VAT1L: variants seen among roughly 807,000 people sequenced by gnomAD.
VAT1L encodes putative NADPH-dependent quinone oxidoreductase VAT1L.
In VAT1L, 34 loss-of-function variants were observed where a neutral mutation model predicts 44.1. The observed-to-expected ratio is 0.77, with a 90% CI of 0.59 to 1.03. The LOEUF is 1.03. VAT1L is among the 50% of genes least tolerant of loss of function. The pLI is 0.00. For missense variants in VAT1L, 615 were observed against 538.8 expected (o/e 1.14, Z -1.40); for synonymous variants, 253 against 202.2 (o/e 1.25, Z -2.13).
At chr16:77,836,514 T>C (rs7195193) in intron 3 of VAT1L, among the ~76,000 whole-genome samples, 286 of 152,348 alleles carry the variant, frequency 1.9e-3, no homozygotes, top group African/African-American at 6.4e-3. Flanking sequence ...TAAGACCCTC[T>C]TTCCCTAACT....
At chr16:77,852,168 C>A (rs1329152459) in intron 3 of VAT1L, among the ~76,000 whole-genome samples, 1 of 152,198 alleles carries the variant, frequency 6.6e-6, no homozygotes, top group African/African-American at 2.4e-5. Context: ...TGGCTTGACC[C>A]TCAAACATAC....
chr16:77,866,102 G>A lies in VAT1L; in HGVS notation c.722+3212G>A, dbSNP rs975672454. ...AGAATGCCCAGGAAGTTACAGATAC[G>A]TTTACACAACCCTCCGTCCTAGCAA... is the stretch of plus-strand genomic sequence containing the variant. On this transcript the variant is annotated intron_variant, in intron 4 of 8. Transcript: ENST00000302536. 2.6e-5 allele frequency among the ~76,000 whole-genome samples: 4 copies of A among 152,156 alleles called. No homozygotes were observed. The East Asian group carries it at 7.7e-4, about 29-fold the overall frequency.
At chr16:77,796,862 G>A (rs1048626977) in intron 1 of VAT1L, among the ~76,000 whole-genome samples, 1 of 152,142 alleles carries the variant, frequency 6.6e-6, no homozygotes, top group Admixed American at 6.5e-5. Context: ...GTAATCCAAA[G>A]GGAAATAACT....
intron 7 of VAT1L, among the ~76,000 whole-genome samples, chr16:77,949,907 A>C (rs2018020068): frequency 1.3e-5 from 2 of 152,168 alleles, no homozygotes; most frequent in Non-Finnish European, 2.9e-5. Context: ...CTTCCTAGAC[A>C]GTTGGTTGTC....
At chr16:77,865,470 G>A (rs1169074587) in intron 4 of VAT1L, among the ~76,000 whole-genome samples, 1 of 152,176 alleles carries the variant, frequency 6.6e-6, no homozygotes, top group Non-Finnish European at 1.5e-5. Flanking sequence ...CAGAGATCCA[G>A]CAATGCCATC....
intron 7 of VAT1L, among the ~76,000 whole-genome samples, chr16:77,962,256 G>A (rs1404301476): frequency 6.6e-6 from 1 of 152,114 alleles, no homozygotes; most frequent in African/African-American, 2.4e-5. Context: ...CATGTAGTGG[G>A]AAAAAGTCCT....
At position 77,952,455 on chromosome 16, in the gene VAT1L, C is replaced by A. The variant is rs993028892; in HGVS notation, c.1078-19395C>A. Among the ~76,000 whole-genome samples the A allele has an allele frequency of 7.1e-4, 108 of 152,036 alleles. 2 individuals are homozygous for A. The highest frequency in any genetic ancestry group is 2.0e-4 in the Admixed American group (3 of 15,246). ...TTGTGGGGCCCCTCCTCCCTGTGAC[C>A]CCCCACCACCACCCCTCGCCTGCAT... On this transcript the variant is annotated intron_variant, in intron 7 of 8. Coordinates refer to ENST00000302536, the MANE Select transcript of VAT1L (RefSeq NM_020927.3).
At chr16:77,878,875 C>G (rs138051223) in intron 5 of VAT1L, among the ~76,000 whole-genome samples, 18 of 152,150 alleles carry the variant, frequency 1.2e-4, no homozygotes, top group Non-Finnish European at 2.4e-4. Context: ...ATTTCAGCAA[C>G]TCATCATTTT....
chr16:77,932,950 A>G (rs1174191386), intron 7 of VAT1L, among the ~76,000 whole-genome samples: 1 of 152,226 alleles, frequency 6.6e-6, no homozygotes, highest in Non-Finnish European at 1.5e-5. Context: ...TATGATTCCA[A>G]GCACTTGGGG....
intron 3 of VAT1L, among the ~76,000 whole-genome samples, chr16:77,842,341 C>A (rs1474037230): frequency 6.6e-6 from 1 of 152,174 alleles, no homozygotes; most frequent in Non-Finnish European, 1.5e-5. Flanking sequence ...GTACAAGGCC[C>A]TGCAGAGACG....
chr16:77,885,727 TAAA>T (rs1774396195), intron 7 of VAT1L, among the ~76,000 whole-genome samples: 1 of 152,110 alleles, frequency 6.6e-6, no homozygotes, highest in Non-Finnish European at 1.5e-5. Context: ...AAATACTTTT[TAAA>T]AAAATAACAA....
At chr16:77,863,138 A>G (rs1382109090) in intron 4 of VAT1L, among the ~76,000 whole-genome samples, 2 of 152,214 alleles carry the variant, frequency 1.3e-5, no homozygotes, top group Non-Finnish European at 2.9e-5. Flanking sequence ...GCTAGCTCCT[A>G]TTTGACCATC....
intron 7 of VAT1L, among the ~76,000 whole-genome samples, chr16:77,953,626 G>C (rs375929489): frequency 6.6e-6 from 1 of 151,968 alleles, no homozygotes; most frequent in Non-Finnish European, 1.5e-5. Flanking sequence ...CTGCGGTCTC[G>C]AACTCCTGGG....
chr16:77,939,316 C>T (rs1229102280), intron 7 of VAT1L, among the ~76,000 whole-genome samples: 1 of 151,160 alleles, frequency 6.6e-6, no homozygotes, highest in East Asian at 2.0e-4. Context: ...TCCTGAGAGC[C>T]AATTGTGTGC....
intron 1 of VAT1L, among the ~76,000 whole-genome samples, chr16:77,790,093 G>A: frequency 6.6e-6 from 1 of 152,188 alleles, no homozygotes; most frequent in East Asian, 1.9e-4. Context: ...CCTCTCTAGA[G>A]GCACGAGAAA....
At position 77,826,701 on chromosome 16, in the gene VAT1L, C is replaced by A. The variant is rs148182106; in HGVS notation, c.579+1240C>A. On this transcript the variant is annotated intron_variant, in intron 3 of 8. Coordinates refer to ENST00000302536, the MANE Select transcript of VAT1L (RefSeq NM_020927.3). ...ATGTCTGTCATTGGTCTACTGGGGTCTGGGTGGAACGTTAGTGTTTCTGAG... is the reference window on the plus strand; with the variant it reads ...ATGTCTGTCATTGGTCTACTGGGGTATGGGTGGAACGTTAGTGTTTCTGAG... Among the ~76,000 whole-genome samples the A allele has an allele frequency of 9.1e-3, 1,391 of 152,250 alleles. 24 individuals are homozygous for A. The highest frequency in any genetic ancestry group is 9.5e-3 in the Non-Finnish European group (644 of 68,024).
intron 7 of VAT1L, among the ~76,000 whole-genome samples, chr16:77,940,340 G>GTTT (rs66546770): frequency 0.11 from 12,689 of 112,276 alleles, 854 homozygotes; most frequent in Middle Eastern, 0.16. Flanking sequence ...ATACCACTTG[G>GTTT]TTTTTTTTTT....
intron 1 of VAT1L, among the ~76,000 whole-genome samples, chr16:77,804,531 A>T (rs2016120939): frequency 6.6e-6 from 1 of 152,214 alleles, no homozygotes. Context: ...TTTCCCAGAC[A>T]CGGTAGAAAC....
At chr16:77,869,361 G>A (rs1368990568) in intron 4 of VAT1L, among the ~76,000 whole-genome samples, 7 of 152,220 alleles carry the variant, frequency 4.6e-5, no homozygotes, top group Admixed American at 4.6e-4. Context: ...AAGTGGGACT[G>A]GAGCTCCATT....
Sources: allele counts gnomAD v4.1 joint callset (sites outside exome capture counted in the v4.1 genomes callset), GRCh38; gene constraint gnomAD v4.1.1; transcripts MANE v1.5; gene names NCBI Gene and HGNC (gene_info 2026-07-23, HGNC 2026-07-21).